The following LDB2 variants were observed in gnomAD, a reference collection of about 807,000 sequenced individuals.
LDB2 encodes the protein LIM domain-binding protein 2.
Under a neutral mutation model 44.3 loss-of-function variants are expected in LDB2, and 12 were observed. The observed-to-expected ratio is 0.27, with a 90% confidence interval of 0.17 to 0.44. The LOEUF is 0.44. Among genes scored for constraint, LDB2 ranks in the 20% least tolerant of loss-of-function variants. LDB2 has a pLI of 1.00. For synonymous variants in LDB2, 164 were observed against 174.8 expected (o/e 0.94, Z 0.49); for missense variants, 344 against 473.5 (o/e 0.73, Z 2.54).
chr4:16,589,219 A>G (rs908784599), intron 3 of LDB2, among the ~76,000 whole-genome samples: 4 of 152,218 alleles, frequency 2.6e-5, no homozygotes, highest in Non-Finnish European at 4.4e-5. Flanking sequence ...AATCTTGGTT[A>G]TCCTGCTCTA....
chr4:16,632,382 C>A (rs1036788223), intron 2 of LDB2, among the ~76,000 whole-genome samples: 1 of 152,178 alleles, frequency 6.6e-6, no homozygotes, highest in African/African-American at 2.4e-5. Context: ...CATTCAACAG[C>A]CTTTCATGCT....
chr4:16,670,618 T>C (rs1314169731), intron 2 of LDB2, among the ~76,000 whole-genome samples: 3 of 152,190 alleles, frequency 2.0e-5, no homozygotes, highest in East Asian at 1.9e-4. Flanking sequence ...ACATAATGCA[T>C]AGAAACAGTT....
intron 2 of LDB2, among the ~76,000 whole-genome samples, chr4:16,707,214 T>C (rs1339516867): frequency 6.6e-6 from 1 of 152,174 alleles, no homozygotes; most frequent in East Asian, 1.9e-4. Flanking sequence ...TTTTGGGTCA[T>C]TTTATGCCAC....
intron 5 of LDB2, among the ~76,000 whole-genome samples, chr4:16,575,643 A>C (rs985495494): frequency 3.9e-5 from 6 of 152,278 alleles, no homozygotes; most frequent in African/African-American, 1.4e-4. Flanking sequence ...GAAATCAATC[A>C]CAAGAGGAAT....
At chr4:16,676,877 C>T (rs570087246) in intron 2 of LDB2, among the ~76,000 whole-genome samples, 1 of 152,262 alleles carries the variant, frequency 6.6e-6, no homozygotes, top group South Asian at 2.1e-4. Context: ...GTAAGATTTG[C>T]AAGCATGGGA....
intron 2 of LDB2, among the ~76,000 whole-genome samples, chr4:16,646,596 G>T: frequency 6.6e-6 from 1 of 152,188 alleles, no homozygotes; most frequent in East Asian, 1.9e-4. Flanking sequence ...AATCTGATCT[G>T]CAGCTTGGAG....
chr4:16,683,358 ATGGTGAAATT>A lies in LDB2; in HGVS notation c.235+75790_235+75799del, dbSNP rs1560868913. On this transcript the variant is annotated intron_variant, in intron 2 of 7. Coordinates refer to ENST00000304523, the MANE Select transcript of LDB2 (RefSeq NM_001290.5). ...TTCACATAGTCTAAAAATGTATACC[ATGGTGAAATT>A]TTTAAAAAATGGAGCTTCAGGAGAA... Among the ~76,000 whole-genome samples, 7 of 152,362 alleles carry A rather than the reference ATGGTGAAATT, an allele frequency of 4.6e-5. No individual in the cohort carries two copies. The South Asian group carries it at 1.2e-3, about 27-fold the overall frequency.
chr4:16,778,877 G>A (rs1331452775), intron 1 of LDB2, among the ~76,000 whole-genome samples: 2 of 152,218 alleles, frequency 1.3e-5, no homozygotes, highest in Non-Finnish European at 2.9e-5. Context: ...ATCCTTGGAT[G>A]TAAAGTTAGA....
chr4:16,850,269 C>G (rs1787924272), intron 1 of LDB2, among the ~76,000 whole-genome samples: 1 of 152,114 alleles, frequency 6.6e-6, no homozygotes, highest in African/African-American at 2.4e-5. Context: ...ATATCCCAGG[C>G]TTTGGATAGG....
chr4:16,649,431 C>T (rs1372069031), intron 2 of LDB2, among the ~76,000 whole-genome samples: 1 of 152,084 alleles, frequency 6.6e-6, no homozygotes, highest in Non-Finnish European at 1.5e-5. Flanking sequence ...AGAGAGAGAA[C>T]TAAAGTGCTT....
intron 2 of LDB2, among the ~76,000 whole-genome samples, chr4:16,744,308 C>T (rs973185090): frequency 2.6e-5 from 4 of 151,822 alleles, no homozygotes; most frequent in African/African-American, 9.7e-5. Flanking sequence ...AGGCACCCGC[C>T]ATCATGCCCA....
chr4:16,873,500 A>C (rs966615850), intron 1 of LDB2, among the ~76,000 whole-genome samples: 7 of 147,112 alleles, frequency 4.8e-5, no homozygotes, highest in African/African-American at 1.9e-4. Context: ...TGATCTTATG[A>C]CAAAAAAAAA....
At chr4:16,827,335 C>G (rs959315570) in intron 1 of LDB2, among the ~76,000 whole-genome samples, 10 of 152,110 alleles carry the variant, frequency 6.6e-5, no homozygotes, top group Non-Finnish European at 2.9e-5. Context: ...GAGTGTAGAG[C>G]TATGCAAGAT....
intron 1 of LDB2, among the ~76,000 whole-genome samples, chr4:16,760,791 C>T (rs1196244268): frequency 2.6e-5 from 4 of 152,160 alleles, no homozygotes; most frequent in African/African-American, 9.7e-5. Context: ...TTAAAAAACT[C>T]AGTGGGCTTG....
At chr4:16,616,508 G>A (rs1010640545) in intron 2 of LDB2, among the ~76,000 whole-genome samples, 1 of 152,018 alleles carries the variant, frequency 6.6e-6, no homozygotes, top group Admixed American at 6.6e-5. Context: ...AGGCAGTGGG[G>A]CAAAGGGGTG....
At chr4:16,731,177 AGTT>A (rs1760670147) in intron 2 of LDB2, among the ~76,000 whole-genome samples, 1 of 152,200 alleles carries the variant, frequency 6.6e-6, no homozygotes, top group South Asian at 2.1e-4. Flanking sequence ...TCAGGGAGGT[AGTT>A]GTTAGAACTG....
intron 2 of LDB2, among the ~76,000 whole-genome samples, chr4:16,726,853 T>G (rs1189861104): frequency 1.3e-5 from 2 of 152,148 alleles, no homozygotes; most frequent in African/African-American, 2.4e-5. Context: ...TTCACACATT[T>G]TCCAGAAAAG....
intron 2 of LDB2, among the ~76,000 whole-genome samples, chr4:16,632,744 A>T (rs1001299778): frequency 6.6e-6 from 1 of 152,210 alleles, no homozygotes; most frequent in Non-Finnish European, 1.5e-5. Flanking sequence ...TCTGGATACA[A>T]AATCAATCTG....
chr4:16,620,989 C>T (rs1728717323), intron 2 of LDB2, among the ~76,000 whole-genome samples: 1 of 152,204 alleles, frequency 6.6e-6, no homozygotes. Flanking sequence ...AATCTAGATT[C>T]ACTGACTAAT....
Sources: allele counts gnomAD v4.1 joint callset (sites outside exome capture counted in the v4.1 genomes callset), GRCh38; gene constraint gnomAD v4.1.1; transcripts MANE v1.5; gene names NCBI Gene and HGNC (gene_info 2026-07-23, HGNC 2026-07-21).